Variants in IRS2 observed in about 807,000 individuals in gnomAD.
IRS2 encodes the protein insulin receptor substrate 2.
A neutral mutation model predicts 70.9 loss-of-function variants in IRS2; 28 were observed. The ratio of observed to expected loss-of-function variants is 0.39; its 90% CI spans 0.29 to 0.54. The LOEUF (loss-of-function observed/expected upper bound fraction) is 0.54, where lower values mean the gene tolerates loss of function less well. IRS2 is among the 20% of genes least tolerant of loss of function. The probability of loss-of-function intolerance (pLI) is 0.59; values close to 1 mark genes in which losing one functional copy is unlikely to be tolerated. For synonymous variants in IRS2, 1,217 were observed against 981.9 expected, an observed-to-expected ratio of 1.24 and a Z score of -4.48; for missense variants, 2,081 against 2,024.1, an observed-to-expected ratio of 1.03 and a Z score of -0.54.
intron 1 of IRS2, among the ~76,000 whole-genome samples, chr13:109,768,790 A>C (rs1028044722): frequency 3.3e-5 from 5 of 152,074 alleles, no homozygotes; most frequent in South Asian, 2.1e-4. Flanking sequence ...CCAGGACCAC[A>C]TCCTCTCTCT....
chr13:109,759,761 C>G (rs568820771), intron 1 of IRS2, among the ~76,000 whole-genome samples: 2 of 152,208 alleles, frequency 1.3e-5, no homozygotes, highest in South Asian at 2.1e-4. Context: ...CTCAGGAGGG[C>G]TCTCTGTAGT....
At position 109,753,914 on chromosome 13, in the gene IRS2, T is replaced by C; in HGVS notation, c.*2390A>G. On this transcript the variant is annotated 3_prime_UTR_variant, in exon 2 of 2. Transcript: ENST00000375856. The stretch of plus-strand genomic sequence containing the variant: ...GCATCCATGATCAATACAGACTAAA[T>C]ACAATGCACTATTCTAGTCCAGTTT... 2 of 231,776 alleles carry C rather than the reference T, an allele frequency of 8.6e-6. No homozygotes were observed. The highest frequency in any genetic ancestry group is 8.6e-6 in the Non-Finnish European group (1 of 116,956). 14.4% of individuals were successfully genotyped at this position (231,776 alleles called of 1,614,324 possible). A position where few individuals can be genotyped will look rare whatever the true frequency, so the allele number is the denominator to read the frequency against.
At chr13:109,757,319 C>T (rs1388912972) in intron 1 of IRS2, among the ~76,000 whole-genome samples, 1 of 152,202 alleles carries the variant, frequency 6.6e-6, no homozygotes, top group Admixed American at 6.5e-5. Flanking sequence ...AGGTACATTT[C>T]CTTCCTTTGC....
intron 1 of IRS2, among the ~76,000 whole-genome samples, chr13:109,780,376 C>G (rs935826780): frequency 6.6e-5 from 10 of 152,330 alleles, no homozygotes; most frequent in South Asian, 2.1e-4. Flanking sequence ...GTAACTCCAA[C>G]CAAAGTGACC....
chr13:109,763,706 CAT>C (rs140592304), intron 1 of IRS2, among the ~76,000 whole-genome samples: 503 of 152,310 alleles, frequency 3.3e-3, no homozygotes, highest in Non-Finnish European at 4.1e-3. Context: ...AGACTTAACA[CAT>C]GTTTATACGT....
chr13:109,782,293 A>G lies in IRS2; in HGVS notation c.3761T>C (p.Ile1254Thr). The change falls in exon 1 of 2, where the codon ATC becomes ACC. Residue 1254 changes from isoleucine to threonine, a missense_variant. Coordinates refer to ENST00000375856, the MANE Select transcript of IRS2 (RefSeq NM_003749.3). ...SAGFQNGLNY[I>T]AIDVREEPGL... The stretch of plus-strand genomic sequence containing the variant: ...GGGCTCCTCCCTCACGTCGATGGCG[A>G]TGTAGTTGAGACCATTCTGGAAGCC... 6.2e-7 allele frequency: 1 copy of G among 1,610,576 alleles called. No individual in the cohort carries two copies. The highest frequency in any genetic ancestry group is 8.5e-7 in the Non-Finnish European group (1 of 1,179,126).
In IRS2 at chr13:109,784,382, G is replaced by T; in HGVS notation, c.1672C>A (p.Arg558=). ...TCCTGGGCCGCGTCCCCCGAGACCC[G>T]GCGGTAGGAGCGGCCACAGTGGCTC... ...PLSHCGRSYR[R]VSGDAAQDLD... Residue 558 remains arginine (R), a synonymous_variant, in exon 1 of 2, where the codon CGG becomes AGG. Coordinates refer to ENST00000375856, the MANE Select transcript of IRS2 (RefSeq NM_003749.3). The surrounding 1 kb of genome is among the most constrained non-coding windows in gnomAD (Gnocchi z 5.2). 6.2e-7 allele frequency: 1 copy of T among 1,610,446 alleles called. No homozygotes were observed. The highest frequency in any genetic ancestry group is 2.2e-5 in the East Asian group (1 of 44,840).
At chr13:109,767,860 G>T (rs950675863) in intron 1 of IRS2, among the ~76,000 whole-genome samples, 1 of 150,070 alleles carries the variant, frequency 6.7e-6, no homozygotes, top group Non-Finnish European at 1.5e-5. Flanking sequence ...AGCCTCCTAA[G>T]CAGCTGGGAC....
rs1566415141 is a variant in IRS2 at position 109,785,877 on chromosome 13, C to T, written c.177G>A (p.Glu59=). 6.6e-7 allele frequency: 1 copy of T among 1,505,846 alleles called. No homozygotes were observed. The highest frequency in any genetic ancestry group is 2.1e-5 in the Admixed American group (1 of 46,856). 93.3% of individuals were successfully genotyped at this position (1,505,846 alleles called of 1,614,324 possible). A position where few individuals can be genotyped will look rare whatever the true frequency, so the allele number is the denominator to read the frequency against. Residue 59 remains glutamate (E), a synonymous_variant, in exon 1 of 2, where the codon GAG becomes GAA. Coordinates refer to ENST00000375856, the MANE Select transcript of IRS2 (RefSeq NM_003749.3). This position sits in a 1 kb window ranked among gnomAD's most constrained non-coding sequence, Gnocchi z 9.3. ...GCGCCGACCCCCCGCCCGCCGTCGC[C>T]TCGTCGCCGCCCGCGCCGGGTCCGC... is the stretch of plus-strand genomic sequence containing the variant. ...VLRGPGAGGD[E]ATAGGGSAPQ...
At chr13:109,773,462 C>T (rs568742026) in intron 1 of IRS2, among the ~76,000 whole-genome samples, 2 of 152,342 alleles carry the variant, frequency 1.3e-5, no homozygotes, top group East Asian at 1.9e-4. Context: ...TGACCGAATG[C>T]ACCCGCTGAC....
chr13:109,783,022 G>C lies in IRS2; in HGVS notation c.3032C>G (p.Ser1011Cys). The C allele has an allele frequency of 7.3e-7, 1 of 1,362,028 alleles. No individual in the cohort carries two copies. 84.4% of individuals were successfully genotyped at this position (1,362,028 alleles called of 1,614,324 possible). ...CGGGGGCAACGGCGGATACGGGGAG[G>C]AGGCCTCGGGGGACAGGAGGCCGTC... is the stretch of plus-strand genomic sequence containing the variant. ...SLDGLLSPEA[S>C]SPYPPLPPRP... The change falls in exon 1 of 2, where the codon TCC (serine) becomes TGC (cysteine). Residue 1011 changes from serine to cysteine, a missense_variant. Transcript: ENST00000375856.
Position 109,783,048 on chromosome 13 carries a change from C to T in IRS2, c.3006G>A (p.Leu1002=). 2.9e-6 allele frequency: 4 copies of T among 1,371,842 alleles called. No individual in the cohort carries two copies. Among genetic ancestry groups the T allele is most frequent in the Non-Finnish European group, 3.7e-6 (4 of 1,068,500 alleles). 85.0% of individuals were successfully genotyped at this position (1,371,842 alleles called of 1,614,324 possible). The stretch of plus-strand genomic sequence containing the variant: ...AGGCCTCGGGGGACAGGAGGCCGTC[C>T]AAGGAGCCCACGGGGTGGCCGCTCG... The part of the protein sequence containing the change: ...GAPSGHPVGS[L]DGLLSPEASS... Residue 1002 remains leucine, a synonymous_variant, in exon 1 of 2, where the codon TTG becomes TTA. Transcript: ENST00000375856.
At chr13:109,771,727 T>A (rs1192394394) in intron 1 of IRS2, among the ~76,000 whole-genome samples, 1 of 152,248 alleles carries the variant, frequency 6.6e-6, no homozygotes, top group Admixed American at 6.5e-5. Flanking sequence ...TTTATTTTTT[T>A]AAAATGCACC....
intron 1 of IRS2, among the ~76,000 whole-genome samples, chr13:109,761,857 T>C (rs1877233913): frequency 6.6e-6 from 1 of 152,090 alleles, no homozygotes; most frequent in South Asian, 2.1e-4. Context: ...TAAAAAAAAT[T>C]CCGAATATCA....
At position 109,784,854 on chromosome 13, in the gene IRS2, G is replaced by C; in HGVS notation, c.1200C>G (p.Ser400Arg). 1 of 1,161,044 alleles carries C rather than the reference G, an allele frequency of 8.6e-7. No individual in the cohort carries two copies. The highest frequency in any genetic ancestry group is 1.1e-6 in the Non-Finnish European group (1 of 936,488). The allele number at this position is 1,161,044 out of a possible 1,614,324, so 71.9% of individuals were successfully genotyped here. A position where few individuals can be genotyped will look rare whatever the true frequency, so the allele number is the denominator to read the frequency against. Residue 400 changes from serine (S) to arginine (R), a missense_variant, in exon 1 of 2, where the codon AGC becomes AGG. Ser to Arg is a moderately radical substitution (Grantham distance 110). Coordinates refer to ENST00000375856, the MANE Select transcript of IRS2 (RefSeq NM_003749.3). The surrounding 1 kb of genome is among the most constrained non-coding windows in gnomAD (Gnocchi z 5.2). ...AGCCGCCGCTCAGGGTGTGCGAGCG[G>C]CTCAGGGGCGCGCGCACCGGCCCGG... is the stretch of plus-strand genomic sequence containing the variant. ...LSPGPVRAPL[S>R]RSHTLSGGCG... is the part of the protein sequence containing the mutation.
chr13:109,785,958 G>A lies in IRS2; in HGVS notation c.96C>T (p.Arg32=). Residue 32 remains arginine (R), a synonymous_variant, in exon 1 of 2, where the codon CGC becomes CGT. Coordinates refer to ENST00000375856, the MANE Select transcript of IRS2 (RefSeq NM_003749.3). The surrounding 1 kb of genome is among the most constrained non-coding windows in gnomAD (Gnocchi z 9.3). The part of the protein sequence containing the change: ...NNNNNNNHSV[R]KCGYLRKQKH... The stretch of plus-strand genomic sequence containing the variant: ...TCTGCTTGCGCAGGTAGCCGCACTT[G>A]CGCACGCTGTGGTTGTTGTTGTTGT... 6.7e-7 allele frequency: 1 copy of A among 1,498,710 alleles called. No individual in the cohort carries two copies. 92.8% of individuals were successfully genotyped at this position (1,498,710 alleles called of 1,614,324 possible).
rs11397558 is a variant in IRS2 at position 109,752,960 on chromosome 13, CTTTTTTTTT to C, written c.*3335_*3343del. The C allele has an allele frequency of 1.7e-5, 2 of 120,356 alleles. No individual in the cohort carries two copies. Among genetic ancestry groups the C allele is most frequent in the Admixed American group, 9.5e-5 (1 of 10,508 alleles). The allele number at this position is 120,356 out of a possible 1,614,324, so 7.5% of individuals were successfully genotyped here. ...GTGTCATGGAGGCAGCATTCTTCTT[CTTTTTTTTT>C]TTTTTTTTTGAGACGGAGTTTCGCT... is the stretch of plus-strand genomic sequence containing the variant. On this transcript the variant is annotated 3_prime_UTR_variant, in exon 2 of 2. Transcript: ENST00000375856.
Position 109,782,233 on chromosome 13 carries a change from G to A in IRS2, c.3821C>T (p.Pro1274Leu), listed in dbSNP as rs768958135. The change falls in exon 1 of 2, where the codon CCG becomes CTG. Residue 1274 changes from proline (P) to leucine (L), a missense_variant. By Grantham distance (98) the Pro-to-Leu change is moderately conservative. Around this residue, in one of 4 missense-constraint regions of IRS2, gnomAD observed 1,615 missense variants for 1,459.5 expected, o/e 1.11. Transcript: ENST00000375856. ...GCTCTTGTCTCCCGGCTGAGGAAGC[G>A]GCGGCGGCGGCGGCTGCGGCTGGGG... ...LPPQPQPPPP[P>L]LPQPGDKSSW... The A allele has an allele frequency of 1.1e-5, 17 of 1,596,658 alleles. No individual in the cohort carries two copies. In the Admixed American group the frequency reaches 1.2e-4, roughly 11 times the overall value.
chr13:109,765,447 A>C (rs1037459619), intron 1 of IRS2, among the ~76,000 whole-genome samples: 1 of 138,116 alleles, frequency 7.2e-6, no homozygotes, highest in Admixed American at 7.3e-5. Flanking sequence ...CCTGACTCCA[A>C]CTCCCCACCA....
Sources: allele counts gnomAD v4.1 joint callset (sites outside exome capture counted in the v4.1 genomes callset), GRCh38; gene constraint gnomAD v4.1.1; regional missense constraint gnomAD v4.1.1; non-coding constraint Gnocchi (gnomAD v3.1); transcripts MANE v1.5; gene names NCBI Gene and HGNC (gene_info 2026-07-23, HGNC 2026-07-21).